ITGB8: variants seen among roughly 807,000 people sequenced by gnomAD.
The protein encoded by ITGB8 is integrin subunit beta 8.
A neutral mutation model predicts 89.5 loss-of-function variants in ITGB8; 30 were observed. The ratio of observed to expected loss-of-function variants is 0.34; its 90% CI spans 0.25 to 0.45. The LOEUF (loss-of-function observed/expected upper bound fraction) is 0.45. Among genes scored for constraint, ITGB8 ranks in the 20% least tolerant of loss-of-function variants. The pLI, the probability that ITGB8 is intolerant of heterozygous loss-of-function variation, is 1.00. For synonymous variants in ITGB8, 335 were observed against 320.4 expected, an observed-to-expected ratio of 1.05 and a Z score of -0.49; for missense variants, 836 against 933.3, an observed-to-expected ratio of 0.90 and a Z score of 1.36.
Position 20,396,160 on chromosome 7 carries a change from C to T in ITGB8, c.1146+1175C>T, listed in dbSNP as rs1453127432. On this transcript the variant is annotated intron_variant, in intron 8 of 13. Transcript: ENST00000222573. ...AATATATGAAATGAAGAACTTAGGCCGGGCGCGGTGGTTCATGCCTGTAAT... is the reference window on the plus strand; with the variant it reads ...AATATATGAAATGAAGAACTTAGGCTGGGCGCGGTGGTTCATGCCTGTAAT... 7.2e-5 allele frequency among the ~76,000 whole-genome samples: 11 copies of T among 152,092 alleles called. No homozygotes were observed. The South Asian group carries it at 1.7e-3, about 23-fold the overall frequency.
Position 20,388,726 on chromosome 7 carries a change from T to C in ITGB8, c.961-2677T>C, listed in dbSNP as rs183088062. Reference sequence around the variant, plus strand: ...TATGTATACACGTGCCATGGTGGTTTGCTGTAACCATCAACCCATCATCTA... The same window carrying C: ...TATGTATACACGTGCCATGGTGGTTCGCTGTAACCATCAACCCATCATCTA... On this transcript the variant is annotated intron_variant, in intron 6 of 13. Transcript: ENST00000222573. Among the ~76,000 whole-genome samples, 309 of 152,274 alleles carry C rather than the reference T, an allele frequency of 2.0e-3. 1 individual carries two copies. Among genetic ancestry groups the C allele is most frequent in the African/African-American group, 6.9e-3 (288 of 41,558 alleles).
Position 20,354,018 on chromosome 7 carries a change from T to C in ITGB8, c.128-9619T>C, listed in dbSNP as rs193060962. Among the ~76,000 whole-genome samples the C allele has an allele frequency of 1.5e-3, 227 of 151,908 alleles. 7 individuals are homozygous for C. The South Asian group carries it at 0.033, about 22-fold the overall frequency. On this transcript the variant is annotated intron_variant, in intron 1 of 13. Coordinates refer to ENST00000222573, the MANE Select transcript of ITGB8 (RefSeq NM_002214.3). ...GAATTCATCTAGTTATGTATCATTA[T>C]GTAAACATAGTTACATTGCCTTTTG...
At chr7:20,354,661 C>T (rs1785229024) in intron 1 of ITGB8, among the ~76,000 whole-genome samples, 1 of 152,168 alleles carries the variant, frequency 6.6e-6, no homozygotes, top group South Asian at 2.1e-4. Flanking sequence ...AATATGGCTG[C>T]TGCAGGTCTG....
chr7:20,404,583 G>A, intron 10 of ITGB8, 45 bp from the exon 11 acceptor site: 1 of 1,532,852 alleles, frequency 6.5e-7, no homozygotes, highest in Non-Finnish European at 8.9e-7. Flanking sequence ...TCTTTACAAA[G>A]TCAGTGATCC....
chr7:20,338,174 C>T (rs984321695), intron 1 of ITGB8, among the ~76,000 whole-genome samples: 1 of 152,120 alleles, frequency 6.6e-6, no homozygotes, highest in Non-Finnish European at 1.5e-5. Context: ...GGTCATTATG[C>T]ATATATATTT....
intron 9 of ITGB8, among the ~76,000 whole-genome samples, chr7:20,399,642 G>C (rs1787227314): frequency 6.6e-6 from 1 of 151,792 alleles, no homozygotes; most frequent in African/African-American, 2.4e-5. Flanking sequence ...AGAGGAGATA[G>C]AGATTCTCCA....
chr7:20,347,667 G>A (rs1030522434), intron 1 of ITGB8, among the ~76,000 whole-genome samples: 13 of 152,302 alleles, frequency 8.5e-5, no homozygotes, highest in African/African-American at 1.9e-4. Context: ...TTTGAGACTC[G>A]AAGATTTTGA....
In ITGB8 at chr7:20,413,843, CTGTTA is replaced by C. The variant is rs1359024411; in HGVS notation, c.*3851_*3855del. On this transcript the variant is annotated 3_prime_UTR_variant, in exon 14 of 14. Coordinates refer to ENST00000222573, the MANE Select transcript of ITGB8 (RefSeq NM_002214.3). ...AGCTCAATCATGTGCAGATTGCATT[CTGTTA>C]TGTTGACTCAATATTTAATTTACAA... The C allele has an allele frequency of 3.9e-5, 6 of 152,058 alleles. No homozygotes were observed. Among genetic ancestry groups the C allele is most frequent in the Non-Finnish European group, 8.8e-5 (6 of 67,956 alleles). The allele number at this position is 152,058 out of a possible 1,614,324, so 9.4% of individuals were successfully genotyped here.
chr7:20,342,996 C>T (rs1784813086), intron 1 of ITGB8, among the ~76,000 whole-genome samples: 3 of 152,098 alleles, frequency 2.0e-5, no homozygotes, highest in Non-Finnish European at 4.4e-5. Context: ...TTTTCCCATT[C>T]AAATATAAAT....
intron 6 of ITGB8, among the ~76,000 whole-genome samples, chr7:20,389,522 C>T (rs1395810606): frequency 6.6e-6 from 1 of 152,168 alleles, no homozygotes; most frequent in Non-Finnish European, 1.5e-5. Context: ...TAGAGTGCCA[C>T]TTAAATATTG....
chr7:20,345,040 G>A (rs1784877697), intron 1 of ITGB8, among the ~76,000 whole-genome samples: 1 of 152,268 alleles, frequency 6.6e-6, no homozygotes, highest in East Asian at 1.9e-4. Context: ...CTTCTGTAGA[G>A]AGAAAGAAAC....
chr7:20,394,204 A>G (rs1786979055), intron 7 of ITGB8, among the ~76,000 whole-genome samples: 1 of 152,210 alleles, frequency 6.6e-6, no homozygotes, highest in African/African-American at 2.4e-5. Flanking sequence ...GGATTTCAAA[A>G]CTTTTTACCA....
At chr7:20,380,537 G>A (rs1042251829) in intron 4 of ITGB8, 129 bp from the exon 5 acceptor site, 5 of 689,490 alleles carry the variant, frequency 7.3e-6, no homozygotes, top group Non-Finnish European at 1.2e-5. Flanking sequence ...ATAGATTTTC[G>A]TCGTATAAAG....
intron 7 of ITGB8, 106 bp downstream of exon 7, chr7:20,391,604 G>A (rs1786860392): frequency 3.6e-6 from 2 of 551,946 alleles, no homozygotes; most frequent in Non-Finnish European, 6.3e-6. Flanking sequence ...ATTATACTTT[G>A]TACAATCTAA....
At chr7:20,378,416 T>C (rs1333592483) in intron 3 of ITGB8, among the ~76,000 whole-genome samples, 1 of 152,198 alleles carries the variant, frequency 6.6e-6, no homozygotes, top group Non-Finnish European at 1.5e-5. Flanking sequence ...GGCACCATTC[T>C]TTAGCCCACT....
intron 6 of ITGB8, among the ~76,000 whole-genome samples, chr7:20,385,013 G>T (rs561160690): frequency 5.9e-5 from 9 of 152,206 alleles, no homozygotes; most frequent in African/African-American, 1.9e-4. Flanking sequence ...TTCTAAAATG[G>T]CAGATGTTAA....
chr7:20,352,770 G>C (rs959740722), intron 1 of ITGB8: 2 of 152,152 alleles, frequency 1.3e-5, no homozygotes, highest in Non-Finnish European at 2.9e-5. Flanking sequence ...TGTGTTTAGG[G>C]TAACCTTAGA....
intron 2 of ITGB8, among the ~76,000 whole-genome samples, chr7:20,364,085 A>G (rs992956142): frequency 6.6e-6 from 1 of 152,198 alleles, no homozygotes; most frequent in Non-Finnish European, 1.5e-5. Flanking sequence ...CTGTTGTTCA[A>G]AATAAGTGTT....
intron 7 of ITGB8, among the ~76,000 whole-genome samples, chr7:20,392,340 T>C (rs1407799313): frequency 1.3e-5 from 2 of 152,152 alleles, no homozygotes; most frequent in Admixed American, 6.6e-5. Flanking sequence ...CCCAGTGCCC[T>C]CTACTTATTT....
Sources: gnomAD v4.1 joint callset for allele counts (sites outside exome capture counted in the v4.1 genomes callset) on GRCh38, gnomAD v4.1.1 for gene constraint, MANE v1.5 for transcripts, NCBI Gene and HGNC (gene_info 2026-07-23, HGNC 2026-07-21) for gene names.